The following DOP1B variants were observed in gnomAD, a reference collection of about 807,000 sequenced individuals.
DOP1B encodes protein DOP1B.
A neutral mutation model predicts 233.5 loss-of-function variants in DOP1B; 174 were observed. The ratio of observed to expected loss-of-function variants is 0.75; its 90% CI spans 0.66 to 0.85. The LOEUF is 0.85. Among genes scored for constraint, DOP1B ranks in the 40% least tolerant of loss-of-function variants. DOP1B has a pLI of 0.00. For synonymous variants in DOP1B, 1,190 were observed against 1,185.6 expected (o/e 1.00, Z -0.08); for missense variants, 2,652 against 2,846.6 (o/e 0.93, Z 1.56).
intron 1 of DOP1B, among the ~76,000 whole-genome samples, chr21:36,160,875 G>A (rs185322842): frequency 1.7e-4 from 26 of 152,206 alleles, no homozygotes; most frequent in Non-Finnish European, 3.7e-4. Context: ...ACTGGAAAGG[G>A]GCAAGTGTGG....
intron 21 of DOP1B, among the ~76,000 whole-genome samples, chr21:36,250,651 T>G (rs934837106): frequency 1.3e-5 from 2 of 152,190 alleles, no homozygotes; most frequent in Non-Finnish European, 2.9e-5. Flanking sequence ...CAGGACCATG[T>G]TACAGGTTTA....
intron 15 of DOP1B, among the ~76,000 whole-genome samples, chr21:36,235,636 G>T (rs147393817): frequency 0.11 from 16,264 of 152,006 alleles, 1,160 homozygotes; most frequent in East Asian, 0.19. Flanking sequence ...GCTGAGGTGG[G>T]AGGATCACTT....
chr21:36,262,497 C>T (rs965044663), intron 24 of DOP1B, among the ~76,000 whole-genome samples: 6 of 152,132 alleles, frequency 3.9e-5, no homozygotes, highest in Non-Finnish European at 8.8e-5. Context: ...GGCCAGTTTC[C>T]TGGTGAGTGT....
In DOP1B at chr21:36,200,316, C is replaced by G. The variant is rs749678566; in HGVS notation, c.321-15C>G. On this transcript the variant is annotated splice_polypyrimidine_tract_variant and intron_variant, in intron 3 of 36. Coordinates refer to ENST00000691173, the MANE Select transcript of DOP1B (RefSeq NM_001320714.2). ...ATCTTATTTCTGCCCCGCTCCCTCT[C>G]GTTCTTTCTCGAAGCTGCGGGTTAT... 23 of 1,575,246 alleles carry G rather than the reference C, an allele frequency of 1.5e-5. No homozygotes were observed. The highest frequency in any genetic ancestry group is 1.9e-5 in the Non-Finnish European group (22 of 1,159,918).
At chr21:36,283,026 T>G (rs537928236) in intron 32 of DOP1B, among the ~76,000 whole-genome samples, 1 of 151,418 alleles carries the variant, frequency 6.6e-6, no homozygotes, top group African/African-American at 2.4e-5. Flanking sequence ...TGTCAGGGTT[T>G]TTTTTTTTTT....
chr21:36,208,109 G>C (rs2066449405), intron 4 of DOP1B, among the ~76,000 whole-genome samples: 1 of 152,246 alleles, frequency 6.6e-6, no homozygotes, highest in Admixed American at 6.5e-5. Context: ...GCGGGAGTCA[G>C]CACATGCAGG....
chr21:36,187,941 A>G (rs1295162552), intron 2 of DOP1B, among the ~76,000 whole-genome samples: 1 of 152,082 alleles, frequency 6.6e-6, no homozygotes, highest in Non-Finnish European at 1.5e-5. Flanking sequence ...AATCTCTAGT[A>G]GGTGATACAC....
intron 13 of DOP1B, among the ~76,000 whole-genome samples, chr21:36,228,442 A>G (rs1472841453): frequency 6.6e-6 from 1 of 151,694 alleles, no homozygotes; most frequent in Non-Finnish European, 1.5e-5. Context: ...CCTGGGCAAC[A>G]GAGCAAGACT....
intron 7 of DOP1B, 93 bp downstream of exon 7, chr21:36,212,190 C>A: frequency 7.2e-7 from 1 of 1,387,302 alleles, no homozygotes; most frequent in Non-Finnish European, 9.5e-7. Flanking sequence ...GGTGATGTAT[C>A]TCTGAATCAT....
intron 2 of DOP1B, among the ~76,000 whole-genome samples, chr21:36,182,076 C>T (rs1003439447): frequency 1.3e-5 from 2 of 152,182 alleles, no homozygotes; most frequent in African/African-American, 4.8e-5. Flanking sequence ...CATTCTTGTA[C>T]TTAGGCTAGA....
intron 28 of DOP1B, 60 bp downstream of exon 28, chr21:36,277,160 A>G: frequency 6.4e-7 from 1 of 1,571,920 alleles, no homozygotes; most frequent in East Asian, 2.2e-5. Context: ...GAATTGTTGC[A>G]AAGACATTTG....
intron 3 of DOP1B, among the ~76,000 whole-genome samples, chr21:36,199,594 A>G (rs2066336531): frequency 6.6e-6 from 1 of 151,184 alleles, no homozygotes; most frequent in Admixed American, 6.6e-5. Flanking sequence ...CACTCCCCCG[A>G]CCCCATGACA....
chr21:36,292,611 GTTTT>G (rs35069387), intron 36 of DOP1B, among the ~76,000 whole-genome samples: 2 of 124,744 alleles, frequency 1.6e-5, no homozygotes, highest in African/African-American at 3.0e-5. Context: ...TTGTTTTTGG[GTTTT>G]TTTTTTTTTT....
intron 9 of DOP1B, among the ~76,000 whole-genome samples, chr21:36,216,799 G>A (rs1004244147): frequency 2.0e-5 from 3 of 150,620 alleles, no homozygotes; most frequent in Admixed American, 6.6e-5. Flanking sequence ...AGGGCTGGCC[G>A]GGTGTGGTGG....
intron 4 of DOP1B, among the ~76,000 whole-genome samples, chr21:36,204,196 T>C (rs559125185): frequency 2.4e-4 from 37 of 152,318 alleles, no homozygotes; most frequent in Non-Finnish European, 4.7e-4. Flanking sequence ...CTGAACATTT[T>C]ACAATGCACA....
chr21:36,258,717 G>T (rs558072591), intron 23 of DOP1B, among the ~76,000 whole-genome samples: 2 of 152,142 alleles, frequency 1.3e-5, no homozygotes, highest in African/African-American at 4.8e-5. Flanking sequence ...GAGTGGTGTC[G>T]TGGAGGCTAA....
At chr21:36,195,381 A>AG (rs1486029917) in intron 2 of DOP1B, among the ~76,000 whole-genome samples, 1 of 151,782 alleles carries the variant, frequency 6.6e-6, no homozygotes, top group East Asian at 1.9e-4. Context: ...AAACAAAAAA[A>AG]AAATCAGCAG....
intron 16 of DOP1B, among the ~76,000 whole-genome samples, 172 bp downstream of exon 16, chr21:36,237,586 G>A (rs2066842934): frequency 6.6e-6 from 1 of 152,192 alleles, no homozygotes; most frequent in Non-Finnish European, 1.5e-5. Flanking sequence ...GCCACTAGAA[G>A]CATGAGCCAT....
chr21:36,161,562 C>T (rs2065869798), intron 1 of DOP1B, among the ~76,000 whole-genome samples: 1 of 152,108 alleles, frequency 6.6e-6, no homozygotes, highest in African/African-American at 2.4e-5. Flanking sequence ...GTTTGTGACC[C>T]AGGCTGGTCA....
Sources: allele counts gnomAD v4.1 joint callset (sites outside exome capture counted in the v4.1 genomes callset), GRCh38; gene constraint gnomAD v4.1.1; transcripts MANE v1.5; gene names NCBI Gene and HGNC (gene_info 2026-07-23, HGNC 2026-07-21).